Variants in STK35 observed in about 807,000 individuals in gnomAD.
The protein encoded by STK35 is serine/threonine kinase 35.
Under a neutral mutation model 37.3 loss-of-function variants are expected in STK35, and 17 were observed. The observed-to-expected ratio is 0.46, with a 90% CI of 0.31 to 0.68. The LOEUF (loss-of-function observed/expected upper bound fraction) is 0.68, where lower values mean the gene tolerates loss of function less well. STK35 is among the 30% of genes least tolerant of loss of function. The probability of loss-of-function intolerance (pLI) is 0.05; values close to 1 mark genes in which losing one functional copy is unlikely to be tolerated. For missense variants in STK35, 595 were observed against 746.7 expected (o/e 0.80, Z 2.37); for synonymous variants, 385 against 319.1 (o/e 1.21, Z -2.20).
intron 3 of STK35, among the ~76,000 whole-genome samples, chr20:2,131,470 T>TG (rs143901336): frequency 0.018 from 2,736 of 151,854 alleles, 92 homozygotes; most frequent in African/African-American, 0.06. Context: ...ATTAAAGTTT[T>TG]GTTTTTTTTT....
chr20:2,122,626 AT>A (rs1985838747), intron 3 of STK35, among the ~76,000 whole-genome samples: 1 of 152,130 alleles, frequency 6.6e-6, no homozygotes, highest in Non-Finnish European at 1.5e-5. Context: ...CCGCAGTTTT[AT>A]TATCTATAAA....
chr20:2,129,933 T>A (rs1202172352), intron 3 of STK35, among the ~76,000 whole-genome samples: 1 of 151,990 alleles, frequency 6.6e-6, no homozygotes. Flanking sequence ...GGAGCCCAGG[T>A]AGGAGGCTGT....
chr20:2,121,290 C>T (rs907615848), intron 3 of STK35, among the ~76,000 whole-genome samples: 6 of 152,118 alleles, frequency 3.9e-5, no homozygotes, highest in Non-Finnish European at 5.9e-5. Flanking sequence ...TGAGAGATGA[C>T]GATGGCTTGA....
rs149051880 is a variant in STK35 at position 2,135,589 on chromosome 20, G to A, written c.*38-8195G>A. Among the ~76,000 whole-genome samples the A allele has an allele frequency of 1.6e-3, 242 of 152,338 alleles. 2 individuals carry two copies. Among genetic ancestry groups the A allele is most frequent in the African/African-American group, 5.5e-3 (227 of 41,566 alleles). On this transcript the variant is annotated intron_variant, in intron 3 of 3. Coordinates refer to ENST00000381482, the MANE Select transcript of STK35 (RefSeq NM_080836.4). ...TGCATTTTAAGATCTTGGGCAGGGC[G>A]TTGTGGCTCACACCTGTAATCCCAG...
At chr20:2,139,676 A>G (rs947688083) in intron 3 of STK35, among the ~76,000 whole-genome samples, 2 of 152,310 alleles carry the variant, frequency 1.3e-5, no homozygotes, top group Non-Finnish European at 1.5e-5. Flanking sequence ...AAATGAGGCA[A>G]TGGATGTAAA....
chr20:2,143,887 G>A lies in STK35; in HGVS notation c.*141G>A, dbSNP rs536278574. On this transcript the variant is annotated 3_prime_UTR_variant, in exon 4 of 4. Transcript: ENST00000381482. ...TGGCGATCTCCCGACAGCTGGATCC[G>A]GCAATGTGAAGCTTTTGTTTGGGTT... The A allele has an allele frequency of 3.6e-5, 16 of 449,780 alleles. No individual in the cohort carries two copies. The highest frequency in any genetic ancestry group is 3.3e-4 in the Middle Eastern group (1 of 3,048). 27.9% of individuals were successfully genotyped at this position (449,780 alleles called of 1,614,324 possible). A position where few individuals can be genotyped will look rare whatever the true frequency, so the allele number is the denominator to read the frequency against.
chr20:2,114,236 C>T (rs1192354086), intron 2 of STK35, among the ~76,000 whole-genome samples: 1 of 152,054 alleles, frequency 6.6e-6, no homozygotes, highest in African/African-American at 2.4e-5. Context: ...AGGGGCCTTT[C>T]CTGCGCAAAG....
chr20:2,136,564 C>G (rs982244926), intron 3 of STK35, among the ~76,000 whole-genome samples: 2 of 152,160 alleles, frequency 1.3e-5, no homozygotes, highest in Non-Finnish European at 2.9e-5. Context: ...GGCAGTGATG[C>G]AGGAACTCAA....
chr20:2,102,409 G>A (rs972343856), intron 1 of STK35, among the ~76,000 whole-genome samples: 2 of 152,204 alleles, frequency 1.3e-5, no homozygotes, highest in African/African-American at 2.4e-5. Context: ...CGGGGCGCGG[G>A]GAGGAGCGTC....
intron 3 of STK35, among the ~76,000 whole-genome samples, chr20:2,132,353 C>G (rs1986014643): frequency 6.6e-6 from 1 of 152,258 alleles, no homozygotes; most frequent in South Asian, 2.1e-4. Flanking sequence ...ATATTTGAAG[C>G]AGGGGCCATA....
intron 3 of STK35, among the ~76,000 whole-genome samples, chr20:2,126,207 C>G (rs1180865566): frequency 1.3e-5 from 2 of 152,194 alleles, no homozygotes; most frequent in African/African-American, 4.8e-5. Flanking sequence ...GGAGCCAAGT[C>G]AGATTCTGGC....
intron 3 of STK35, among the ~76,000 whole-genome samples, chr20:2,140,702 G>A (rs943194361): frequency 3.9e-5 from 6 of 152,224 alleles, no homozygotes; most frequent in Non-Finnish European, 8.8e-5. Context: ...GCCAGAGCCA[G>A]TGCCAGAGCT....
intron 3 of STK35, among the ~76,000 whole-genome samples, chr20:2,137,355 A>G (rs1452824134): frequency 2.0e-5 from 3 of 152,176 alleles, no homozygotes; most frequent in Non-Finnish European, 4.4e-5. Context: ...CCTTGAGAGA[A>G]CACCACCTCC....
chr20:2,116,766 G>A lies in STK35; in HGVS notation c.993G>A (p.Arg331=), dbSNP rs138226049. Residue 331 remains arginine, a synonymous_variant, in exon 3 of 4, where the codon AGG becomes AGA. Transcript: ENST00000381482. ...GDLNQYVLSR[R]PDPATNKSFM... ...TGAATCAGTATGTCCTGTCCCGGAG[G>A]CCAGACCCAGCCACCAACAAAAGTT... 81 of 1,614,126 alleles carry A rather than the reference G, an allele frequency of 5.0e-5. No individual in the cohort carries two copies. In the African/African-American group the frequency reaches 1.0e-3, roughly 20 times the overall value.
chr20:2,134,664 G>A (rs1016892274), intron 3 of STK35, among the ~76,000 whole-genome samples: 32 of 152,264 alleles, frequency 2.1e-4, no homozygotes, highest in Admixed American at 1.4e-3. Context: ...GCCGAGGCTG[G>A]CAAATCACCT....
chr20:2,102,646 CG>C, intron 1 of STK35, 121 bp from the exon 2 acceptor site: 2 of 877,606 alleles, frequency 2.3e-6, no homozygotes, highest in East Asian at 6.7e-5. Context: ...CAATCAGCGG[CG>C]GTGGCTTCCG....
At chr20:2,133,666 G>C (rs926430889) in intron 3 of STK35, among the ~76,000 whole-genome samples, 4 of 152,172 alleles carry the variant, frequency 2.6e-5, no homozygotes, top group African/African-American at 9.7e-5. Context: ...CCTGCCTGCT[G>C]GTCACCACGG....
chr20:2,102,687 G>A (rs1422303325), intron 1 of STK35, 81 bp from the exon 2 acceptor site: 16 of 1,242,474 alleles, frequency 1.3e-5, no homozygotes, highest in South Asian at 1.0e-4. Context: ...GCCGGGGGAG[G>A]AGGAGGTGGG....
At chr20:2,126,323 A>G (rs1004262535) in intron 3 of STK35, among the ~76,000 whole-genome samples, 9 of 152,276 alleles carry the variant, frequency 5.9e-5, no homozygotes, top group African/African-American at 2.2e-4. Context: ...ACTTGGTGGT[A>G]ATGGGTTATA....
Sources: allele counts gnomAD v4.1 joint callset (sites outside exome capture counted in the v4.1 genomes callset), GRCh38; gene constraint gnomAD v4.1.1; transcripts MANE v1.5; gene names NCBI Gene and HGNC (gene_info 2026-07-23, HGNC 2026-07-21).